The following CNTLN variants were observed in gnomAD, a reference collection of about 807,000 sequenced individuals.
CNTLN encodes the protein centlein.
CNTLN carries 212 observed loss-of-function variants against 180.0 expected under a neutral mutation model. That is an observed-to-expected ratio of 1.18 (90% CI 1.05 to 1.32). The LOEUF (loss-of-function observed/expected upper bound fraction) is 1.32, where lower values mean the gene tolerates loss of function less well. CNTLN is among the 40% of genes most tolerant of loss of function. The probability of loss-of-function intolerance (pLI) is 0.00; values close to 1 mark genes in which losing one functional copy is unlikely to be tolerated. For synonymous variants in CNTLN, 722 were observed against 563.1 expected (o/e 1.28, Z -3.99); for missense variants, 2,095 against 1,610.9 (o/e 1.30, Z -5.14).
At chr9:17,241,017 C>T (rs1359523308) in intron 5 of CNTLN, among the ~76,000 whole-genome samples, 1 of 152,124 alleles carries the variant, frequency 6.6e-6, no homozygotes, top group African/African-American at 2.4e-5. Context: ...CGGCACCACA[C>T]CCGGCTAATT....
chr9:17,183,301 G>A (rs1186819927), intron 2 of CNTLN, among the ~76,000 whole-genome samples: 1 of 151,998 alleles, frequency 6.6e-6, no homozygotes, highest in Non-Finnish European at 1.5e-5. Flanking sequence ...CTGTCATTTG[G>A]AATATCACAG....
At chr9:17,163,413 T>C (rs16935383) in intron 2 of CNTLN, among the ~76,000 whole-genome samples, 3 of 152,248 alleles carry the variant, frequency 2.0e-5, no homozygotes, top group Non-Finnish European at 4.4e-5. Context: ...AAGTTGATAC[T>C]GTGTTTTTGT....
At chr9:17,199,135 T>C (rs202081679) in intron 2 of CNTLN, among the ~76,000 whole-genome samples, 1 of 151,778 alleles carries the variant, frequency 6.6e-6, no homozygotes, top group African/African-American at 2.4e-5. Flanking sequence ...AACTAATTTA[T>C]ACTGCCACCA....
chr9:17,449,163 A>G (rs529325029), intron 18 of CNTLN, among the ~76,000 whole-genome samples: 1 of 152,294 alleles, frequency 6.6e-6, no homozygotes, highest in South Asian at 2.1e-4. Context: ...TTCTGGATAT[A>G]CTTTTGGTTC....
chr9:17,226,269 A>C lies in CNTLN; in HGVS notation c.516A>C (p.Lys172Asn), dbSNP rs1183443109. The stretch of plus-strand genomic sequence containing the variant: ...AAATTCTGCAAGTCAAGGATGCCAA[A>C]ATACAAGAATTTGAACAGGTTGGTG... Reference protein sequence around the residue: ...VLEILQVKDAKIQEFEQRESV... With the variant: ...VLEILQVKDANIQEFEQRESV... The change falls in exon 3 of 26, where the codon AAA becomes AAC. Residue 172 changes from lysine (K) to asparagine (N), a missense_variant. Transcript: ENST00000380647. The C allele has an allele frequency of 1.3e-6, 2 of 1,571,326 alleles. No individual in the cohort carries two copies. The highest frequency in any genetic ancestry group is 2.3e-5 in the East Asian group (1 of 43,308).
intron 13 of CNTLN, among the ~76,000 whole-genome samples, chr9:17,367,811 G>A (rs763478429): frequency 3.4e-4 from 51 of 152,210 alleles, no homozygotes; most frequent in Non-Finnish European, 5.6e-4. Context: ...CCTACTGACT[G>A]AAGAGCCCTT....
At chr9:17,366,334 G>A (rs971307570) in intron 12 of CNTLN, among the ~76,000 whole-genome samples, 1 of 151,924 alleles carries the variant, frequency 6.6e-6, no homozygotes, top group African/African-American at 2.4e-5. Flanking sequence ...TGTAAAGACA[G>A]GGTCTCTCTG....
Position 17,366,392 on chromosome 9 carries a change from C to T in CNTLN, c.1887-225C>T, listed in dbSNP as rs140105118. On this transcript the variant is annotated intron_variant, in intron 12 of 25. Transcript: ENST00000380647. ...CTTCTAGTCTCAAGTGATCCCCTTGCCTTGGCTTTCTAAAATGCTGGAATT... is the reference window on the plus strand; with the variant it reads ...CTTCTAGTCTCAAGTGATCCCCTTGTCTTGGCTTTCTAAAATGCTGGAATT... 3.5e-3 allele frequency among the ~76,000 whole-genome samples: 535 copies of T among 152,140 alleles called. 1 individual carries two copies. The highest frequency in any genetic ancestry group is 0.011 in the African/African-American group (473 of 41,508).
chr9:17,381,467 C>T (rs367886163), intron 13 of CNTLN, among the ~76,000 whole-genome samples: 3 of 152,148 alleles, frequency 2.0e-5, no homozygotes, highest in African/African-American at 7.2e-5. Context: ...TTTTGCCTTC[C>T]AGGTTATGCC....
intron 13 of CNTLN, among the ~76,000 whole-genome samples, chr9:17,370,356 A>G (rs560096277): frequency 6.6e-6 from 1 of 152,334 alleles, no homozygotes; most frequent in East Asian, 1.9e-4. Flanking sequence ...TGCTGGCAGC[A>G]GACTTTTCAG....
intron 18 of CNTLN, among the ~76,000 whole-genome samples, chr9:17,428,743 TCTAA>T (rs951759637): frequency 4.6e-5 from 7 of 152,086 alleles, no homozygotes; most frequent in Non-Finnish European, 1.0e-4. Context: ...GTGTTCTGAC[TCTAA>T]CTAGTAGGCC....
At chr9:17,140,333 C>T (rs990281098) in intron 1 of CNTLN, among the ~76,000 whole-genome samples, 1 of 152,096 alleles carries the variant, frequency 6.6e-6, no homozygotes, top group African/African-American at 2.4e-5. Context: ...TACTGTACAG[C>T]ATGGTGTTAT....
At chr9:17,367,820 T>C (rs938572389) in intron 13 of CNTLN, among the ~76,000 whole-genome samples, 1 of 152,064 alleles carries the variant, frequency 6.6e-6, no homozygotes, top group Non-Finnish European at 1.5e-5. Context: ...TGAAGAGCCC[T>C]TGGGCCCTGA....
intron 2 of CNTLN, among the ~76,000 whole-genome samples, chr9:17,187,865 T>C (rs1320145633): frequency 6.6e-6 from 1 of 151,534 alleles, no homozygotes; most frequent in African/African-American, 2.4e-5. Context: ...AGAAGCAGTT[T>C]ATGAGACCTT....
At chr9:17,232,694 C>T (rs1824888551) in intron 3 of CNTLN, among the ~76,000 whole-genome samples, 1 of 151,802 alleles carries the variant, frequency 6.6e-6, no homozygotes, top group Non-Finnish European at 1.5e-5. Context: ...ACTTAACAGT[C>T]TAGTTTGGGA....
chr9:17,466,132 A>C lies in CNTLN; in HGVS notation c.3669+14A>C. ...TTAGAAAAAAAGGTATGCTTTTAAAAAGGGCATTTTAGATTACAGATGGAA... is the reference window on the plus strand; with the variant it reads ...TTAGAAAAAAAGGTATGCTTTTAAACAGGGCATTTTAGATTACAGATGGAA... On this transcript the variant is annotated intron_variant, in intron 22 of 25. Transcript: ENST00000380647. 6.3e-7 allele frequency: 1 copy of C among 1,590,000 alleles called. No individual in the cohort carries two copies.
chr9:17,393,067 A>G (rs1022879587), intron 14 of CNTLN, among the ~76,000 whole-genome samples: 6 of 152,204 alleles, frequency 3.9e-5, no homozygotes, highest in Non-Finnish European at 7.4e-5. Context: ...CAAGTGTCCA[A>G]GATCTGAGAT....
chr9:17,440,057 A>G (rs1402676690), intron 18 of CNTLN, among the ~76,000 whole-genome samples: 1 of 152,268 alleles, frequency 6.6e-6, no homozygotes, highest in Non-Finnish European at 1.5e-5. Flanking sequence ...AAAATGCAGC[A>G]GACATGATCA....
intron 2 of CNTLN, among the ~76,000 whole-genome samples, chr9:17,172,813 T>G (rs1239302315): frequency 3.9e-5 from 6 of 152,206 alleles, no homozygotes; most frequent in Non-Finnish European, 7.4e-5. Flanking sequence ...TGTGTACACA[T>G]TCCTTCATAA....
Sources: allele counts gnomAD v4.1 joint callset (sites outside exome capture counted in the v4.1 genomes callset), GRCh38; gene constraint gnomAD v4.1.1; transcripts MANE v1.5; gene names NCBI Gene and HGNC (gene_info 2026-07-23, HGNC 2026-07-21).